Variants in SYNE2 observed in about 807,000 individuals in gnomAD.
SYNE2 encodes nesprin-2.
SYNE2 carries 431 observed loss-of-function variants against 856.3 expected under a neutral mutation model. That is an observed-to-expected ratio of 0.50 (90% CI 0.47 to 0.55). The LOEUF (loss-of-function observed/expected upper bound fraction) is 0.55. Among genes scored for constraint, SYNE2 ranks in the 20% least tolerant of loss-of-function variants. The pLI is 0.00. For missense variants in SYNE2, 8,129 were observed against 8,023.2 expected, an observed-to-expected ratio of 1.01 and a Z score of -0.50; for synonymous variants, 2,923 against 2,872.3, an observed-to-expected ratio of 1.02 and a Z score of -0.56.
chr14:64,074,611 G>A (rs973765560), intron 53 of SYNE2, among the ~76,000 whole-genome samples: 3 of 152,160 alleles, frequency 2.0e-5, no homozygotes, highest in African/African-American at 4.8e-5. Context: ...AAAGTCACGT[G>A]TTGGCCGGAC....
At chr14:64,106,141 C>T (rs1014790322) in intron 64 of SYNE2, among the ~76,000 whole-genome samples, 16 of 148,454 alleles carry the variant, frequency 1.1e-4, no homozygotes, top group Non-Finnish European at 1.5e-4. Context: ...GACCCCCCCC[C>T]CCAACCAACA....
chr14:64,097,859 C>T lies in SYNE2; in HGVS notation c.12109-90C>T, dbSNP rs1442857790. 3.8e-6 allele frequency: 5 copies of T among 1,316,270 alleles called. No individual in the cohort carries two copies. The Admixed American group carries it at 8.6e-5, about 23-fold the overall frequency. 81.5% of individuals were successfully genotyped at this position (1,316,270 alleles called of 1,614,324 possible). On this transcript the variant is annotated intron_variant, in intron 61 of 115. Coordinates refer to ENST00000555002, the MANE Select transcript of SYNE2 (RefSeq NM_182914.3). ...TGTAAACCAAATAGCAAAGAAAAAT[C>T]TTCAGCCCTTGTACCAAAGGAAGCA...
intron 99 of SYNE2, among the ~76,000 whole-genome samples, chr14:64,201,425 G>GCGGCGGAAACTGGC: frequency 6.6e-6 from 1 of 152,352 alleles, no homozygotes; most frequent in East Asian, 1.9e-4. Flanking sequence ...TGCTGTGAGT[G>GCGGCGGAAACTGGC]CGGCGGAAAC....
intron 1 of SYNE2, among the ~76,000 whole-genome samples, chr14:63,896,044 ACAGTGGTAAAG>A: frequency 6.6e-6 from 1 of 152,336 alleles, no homozygotes; most frequent in East Asian, 1.9e-4. Context: ...GTGGATGTAG[ACAGTGGTAAAG>A]CAACTTATTT....
chr14:64,051,700 T>C lies in SYNE2; in HGVS notation c.7787T>C (p.Leu2596Ser). 1 of 1,614,208 alleles carries C rather than the reference T, an allele frequency of 6.2e-7. No homozygotes were observed. The highest frequency in any genetic ancestry group is 8.5e-7 in the Non-Finnish European group (1 of 1,180,036). ...NHVTDMDKKL[L>S]ESQIKQLEHG... ...GTGACTGACATGGATAAGAAATTGTTGGAAAGCCAGATTAAGCAACTTGAA... is the reference window on the plus strand; with the variant it reads ...GTGACTGACATGGATAAGAAATTGTCGGAAAGCCAGATTAAGCAACTTGAA... The change falls in exon 48 of 116, where the codon TTG becomes TCG. Residue 2596 changes from leucine to serine, a missense_variant. Transcript: ENST00000555002.
rs2153454245 is a variant in SYNE2 at position 63,967,713 on chromosome 14, T to G, written c.995T>G (p.Leu332Arg). 2 of 1,614,046 alleles carry G rather than the reference T, an allele frequency of 1.2e-6. No homozygotes were observed. Among genetic ancestry groups the G allele is most frequent in the Non-Finnish European group, 1.7e-6 (2 of 1,179,896 alleles). ...AAAATACTCTTCTAATTGCAGAGCCTGCTGTCCTTTATGGAGTCATTCAAT... is the reference window on the plus strand; with the variant it reads ...AAAATACTCTTCTAATTGCAGAGCCGGCTGTCCTTTATGGAGTCATTCAAT... ...NDTYFKKYNSLLSFMESFNEE... is the reference protein window; with the variant it reads ...NDTYFKKYNSRLSFMESFNEE... Residue 332 changes from leucine to arginine, a missense_variant, in exon 11 of 116, where the codon CTG becomes CGG. By Grantham distance (102) the Leu-to-Arg change is moderately radical. Around this residue, in one of 3 missense-constraint regions of SYNE2, gnomAD observed 2,422 missense variants for 2,357.4 expected, o/e 1.03. Coordinates refer to ENST00000555002, the MANE Select transcript of SYNE2 (RefSeq NM_182914.3).
At chr14:63,852,010 T>TG (rs368330888), upstream of SYNE2, among the ~76,000 whole-genome samples, 396 of 2,426 alleles carry the variant, frequency 0.16, 62 homozygotes, top group East Asian at 0.56. Context: ...ATGGATGAAA[T>TG]GGGGGGGGGG....
chr14:64,016,321 G>A (rs868656350), intron 32 of SYNE2, 152 bp from the exon 33 acceptor site: 8 of 546,416 alleles, frequency 1.5e-5, no homozygotes, highest in African/African-American at 1.4e-4. Flanking sequence ...AAAGTGGGAC[G>A]ATAAAAACGT....
chr14:63,779,146 C>T (rs1253047298), intron 1 of SYNE2, among the ~76,000 whole-genome samples: 2 of 151,170 alleles, frequency 1.3e-5, no homozygotes, highest in African/African-American at 4.9e-5. Flanking sequence ...ATGGTGAAAC[C>T]CCATTTCTAC....
Position 64,150,227 on chromosome 14 carries a change from C to T in SYNE2, c.15640-2337C>T, listed in dbSNP as rs1451946455. Among the ~76,000 whole-genome samples, 9 of 124,948 alleles carry T rather than the reference C, an allele frequency of 7.2e-5. No homozygotes were observed. In the South Asian group the frequency reaches 1.3e-3, roughly 18 times the overall value. The allele number at this position is 124,948 out of a possible 152,430, so 82.0% of individuals were successfully genotyped here. On this transcript the variant is annotated intron_variant, in intron 84 of 115. Coordinates refer to ENST00000555002, the MANE Select transcript of SYNE2 (RefSeq NM_182914.3). ...AGGAAAATGACTTGAATCCCGGAGG[C>T]GGAGTTTTCAGTGAGCCGAGATCAT... is the stretch of plus-strand genomic sequence containing the variant.
rs1265867098 is a variant in SYNE2, at chr14:64,052,168, C to T, written c.8255C>T (p.Pro2752Leu). 2.5e-6 allele frequency: 4 copies of T among 1,613,948 alleles called. No homozygotes were observed. The highest frequency in any genetic ancestry group is 3.3e-5 in the Admixed American group (2 of 59,988). The change falls in exon 48 of 116, where the codon CCC (proline) becomes CTC (leucine). Residue 2752 changes from proline to leucine, a missense_variant. Pro to Leu is a moderately conservative substitution (Grantham distance 98). Transcript: ENST00000555002. Reference sequence around the variant, plus strand: ...AAGAATTTGTTGGGTGAACTTAATCCCTCCATTCCCCTTCTCCCAGATGAC... The same window carrying T: ...AAGAATTTGTTGGGTGAACTTAATCTCTCCATTCCCCTTCTCCCAGATGAC... ...WAKNLLGELN[P>L]SIPLLPDDIL... is the part of the protein sequence containing the mutation.
At chr14:63,927,175 G>C (rs1315248599) in intron 2 of SYNE2, among the ~76,000 whole-genome samples, 1 of 152,332 alleles carries the variant, frequency 6.6e-6, no homozygotes, top group South Asian at 2.1e-4. Context: ...AGTAATTCGG[G>C]TAAGTTTGGG....
At chr14:64,209,739 A>G in intron 102 of SYNE2, 161 bp downstream of exon 102, 1 of 1,194,660 alleles carries the variant, frequency 8.4e-7, no homozygotes, top group South Asian at 1.3e-5. Context: ...GCTTTGCAAG[A>G]CATTGCTGAT....
chr14:64,174,060 T>C, intron 94 of SYNE2: 1 of 552,000 alleles, frequency 1.8e-6, no homozygotes, highest in South Asian at 2.3e-5. Context: ...CAAGACCTTG[T>C]CTCTTAAATT....
At chr14:64,205,475 C>T (rs1211917648) in intron 100 of SYNE2, among the ~76,000 whole-genome samples, 2 of 152,144 alleles carry the variant, frequency 1.3e-5, no homozygotes, top group East Asian at 3.8e-4. Flanking sequence ...ACTTTTCAAA[C>T]TAAATATAAT....
chr14:63,803,454 G>A (rs1029347214), intron 1 of SYNE2, among the ~76,000 whole-genome samples: 2 of 152,210 alleles, frequency 1.3e-5, no homozygotes, highest in African/African-American at 4.8e-5. Flanking sequence ...GCGCAGTGCC[G>A]GTGGGCTGGC....
intron 2 of SYNE2, among the ~76,000 whole-genome samples, chr14:63,927,859 T>G (rs1321010486): frequency 1.3e-5 from 2 of 151,156 alleles, no homozygotes; most frequent in East Asian, 3.9e-4. Context: ...ACCACTGCAC[T>G]CCAGCCTGGG....
chr14:64,212,120 G>A, intron 104 of SYNE2, 22 bp downstream of exon 104: 1 of 1,613,586 alleles, frequency 6.2e-7, no homozygotes, highest in Non-Finnish European at 8.5e-7. Flanking sequence ...TGCTTCCCTA[G>A]CTCTTCTCAA....
chr14:64,142,101 A>C lies in SYNE2; in HGVS notation c.15306+13A>C, dbSNP rs1302917087. On this transcript the variant is annotated intron_variant, in intron 82 of 115. Coordinates refer to ENST00000555002, the MANE Select transcript of SYNE2 (RefSeq NM_182914.3). ...TCAGAAGCACAAGGTAATTATGCAA[A>C]AGGAGCAGAAGTCTTTTCATTGAAA... 3 of 1,613,882 alleles carry C rather than the reference A, an allele frequency of 1.9e-6. No homozygotes were observed. The African/African-American group carries it at 4.0e-5, about 22-fold the overall frequency.
Sources: gnomAD v4.1 joint callset for allele counts (sites outside exome capture counted in the v4.1 genomes callset) on GRCh38, gnomAD v4.1.1 for gene constraint, gnomAD v4.1.1 regional missense constraint, MANE v1.5 for transcripts, NCBI Gene and HGNC (gene_info 2026-07-23, HGNC 2026-07-21) for gene names.